OSBPL6: variants seen among roughly 807,000 people sequenced by gnomAD.
OSBPL6 encodes the protein oxysterol binding protein like 6.
In OSBPL6, 49 loss-of-function variants were observed where a neutral mutation model predicts 125.8. That is an observed-to-expected ratio of 0.39 (90% CI 0.31 to 0.49). The LOEUF (loss-of-function observed/expected upper bound fraction) is 0.49, where lower values mean the gene tolerates loss of function less well. Among genes scored for constraint, OSBPL6 ranks in the 20% least tolerant of loss-of-function variants. The pLI is 0.88. For missense variants in OSBPL6, 986 were observed against 1,135.4 expected, an observed-to-expected ratio of 0.87 and a Z score of 1.89; for synonymous variants, 394 against 391.8, an observed-to-expected ratio of 1.01 and a Z score of -0.07.
intron 12 of OSBPL6, 36 bp downstream of exon 12, chr2:178,349,425 CT>C (rs773897300): frequency 6.3e-7 from 1 of 1,583,546 alleles, no homozygotes. Flanking sequence ...TAAAGAAGCT[CT>C]CTTCTTTGAT....
At chr2:178,328,001 C>T (rs1688848366) in intron 4 of OSBPL6, among the ~76,000 whole-genome samples, 1 of 152,132 alleles carries the variant, frequency 6.6e-6, no homozygotes, top group Admixed American at 6.5e-5. Flanking sequence ...TCCATCCTAC[C>T]CCAAACAGAC....
intron 3 of OSBPL6, among the ~76,000 whole-genome samples, chr2:178,321,493 C>G (rs1298320849): frequency 6.6e-6 from 1 of 152,076 alleles, no homozygotes; most frequent in East Asian, 1.9e-4. Context: ...AATTACATAA[C>G]TTTAGGGTTA....
chr2:178,278,296 A>G (rs2092511247), intron 1 of OSBPL6, among the ~76,000 whole-genome samples: 2 of 152,194 alleles, frequency 1.3e-5, no homozygotes, highest in South Asian at 4.1e-4. Flanking sequence ...AAGATTACTC[A>G]CATACCTTTT....
At chr2:178,239,218 G>A (rs2091185457) in intron 1 of OSBPL6, among the ~76,000 whole-genome samples, 1 of 152,136 alleles carries the variant, frequency 6.6e-6, no homozygotes, top group South Asian at 2.1e-4. Flanking sequence ...TGATACACAT[G>A]CAATAGAATT....
At chr2:178,252,395 T>C (rs925031694) in intron 1 of OSBPL6, among the ~76,000 whole-genome samples, 7 of 152,160 alleles carry the variant, frequency 4.6e-5, no homozygotes, top group Admixed American at 3.3e-4. Context: ...TAAGTGGGCA[T>C]GCTGTATTCC....
chr2:178,364,815 G>T (rs1300270379), intron 13 of OSBPL6, among the ~76,000 whole-genome samples: 1 of 152,166 alleles, frequency 6.6e-6, no homozygotes, highest in Non-Finnish European at 1.5e-5. Flanking sequence ...AGTTATAGAT[G>T]TTGACGAGTT....
At position 178,396,823 on chromosome 2, in the gene OSBPL6, A is replaced by G. The variant is rs1473852478; in HGVS notation, c.*1264A>G. 1 of 152,238 alleles carries G rather than the reference A, an allele frequency of 6.6e-6. No homozygotes were observed. Among genetic ancestry groups the G allele is most frequent in the Non-Finnish European group, 1.5e-5 (1 of 68,036 alleles). The allele number at this position is 152,238 out of a possible 1,614,324, so 9.4% of individuals were successfully genotyped here. ...GCAGGAAAGCAGAAGTGTGTTTTGCATACTTCAGGATTTGTTTTTCCTCCA... is the reference window on the plus strand; with the variant it reads ...GCAGGAAAGCAGAAGTGTGTTTTGCGTACTTCAGGATTTGTTTTTCCTCCA... On this transcript the variant is annotated 3_prime_UTR_variant, in exon 25 of 25. Transcript: ENST00000190611.
At chr2:178,212,323 T>G (rs1473860579) in intron 1 of OSBPL6, among the ~76,000 whole-genome samples, 8 of 152,240 alleles carry the variant, frequency 5.3e-5, no homozygotes, top group African/African-American at 1.4e-4. Flanking sequence ...CCTGCGCTAA[T>G]TTGTGTGATT....
chr2:178,281,904 A>T (rs1258688884), intron 1 of OSBPL6, among the ~76,000 whole-genome samples: 2 of 152,152 alleles, frequency 1.3e-5, no homozygotes, highest in Non-Finnish European at 1.5e-5. Context: ...CGTGGCACAC[A>T]TTTACCTGTG....
intron 12 of OSBPL6, among the ~76,000 whole-genome samples, chr2:178,352,163 T>G (rs1691320208): frequency 6.6e-6 from 1 of 152,332 alleles, no homozygotes; most frequent in East Asian, 1.9e-4. Flanking sequence ...CAGCTCCCAG[T>G]GTGATCAATG....
rs147142786 is a variant in OSBPL6 at position 178,243,645 on chromosome 2, G to C, written c.-350-41282G>C. Among the ~76,000 whole-genome samples, 888 of 152,120 alleles carry C rather than the reference G, an allele frequency of 5.8e-3. 10 individuals carry two copies. The highest frequency in any genetic ancestry group is 0.02 in the African/African-American group (849 of 41,528). ...TTTCTCATTCTCCTCCATTCATTCTGGGTTTTTTTGTTTCTTTGTTTGTTT... is the reference window on the plus strand; with the variant it reads ...TTTCTCATTCTCCTCCATTCATTCTCGGTTTTTTTGTTTCTTTGTTTGTTT... On this transcript the variant is annotated intron_variant, in intron 1 of 24. Transcript: ENST00000190611.
intron 12 of OSBPL6, among the ~76,000 whole-genome samples, chr2:178,361,455 T>G (rs1024792493): frequency 6.6e-6 from 1 of 152,230 alleles, no homozygotes; most frequent in Admixed American, 6.5e-5. Flanking sequence ...TTGGCCTGTC[T>G]GGTATAAAAA....
At chr2:178,375,669 T>A (rs1693808885) in intron 15 of OSBPL6, among the ~76,000 whole-genome samples, 1 of 152,144 alleles carries the variant, frequency 6.6e-6, no homozygotes, top group Non-Finnish European at 1.5e-5. Flanking sequence ...GTGATCCGCC[T>A]GCCTCAGCCT....
intron 2 of OSBPL6, among the ~76,000 whole-genome samples, chr2:178,290,102 A>G (rs1403844309): frequency 6.6e-6 from 1 of 152,138 alleles, no homozygotes; most frequent in African/African-American, 2.4e-5. Context: ...GCCTGAATAC[A>G]TTATGTCATT....
chr2:178,238,752 G>C (rs2091164282), intron 1 of OSBPL6, among the ~76,000 whole-genome samples: 1 of 152,174 alleles, frequency 6.6e-6, no homozygotes, highest in African/African-American at 2.4e-5. Flanking sequence ...ATGGTAATCA[G>C]GCTTGGTACT....
At chr2:178,385,344 C>A in intron 18 of OSBPL6, 114 bp from the exon 19 acceptor site, 1 of 713,620 alleles carries the variant, frequency 1.4e-6, no homozygotes, top group Non-Finnish European at 2.3e-6. Flanking sequence ...GTTTTTAAAG[C>A]ATGAAGTCTT....
chr2:178,224,206 G>A (rs949589272), intron 1 of OSBPL6, among the ~76,000 whole-genome samples: 1 of 152,218 alleles, frequency 6.6e-6, no homozygotes, highest in Non-Finnish European at 1.5e-5. Context: ...GGATGTAAGA[G>A]AGGCTGGAAG....
At chr2:178,352,986 A>T (rs970688302) in intron 12 of OSBPL6, among the ~76,000 whole-genome samples, 2 of 152,244 alleles carry the variant, frequency 1.3e-5, no homozygotes, top group Non-Finnish European at 2.9e-5. Flanking sequence ...ACTCCAACAG[A>T]CCTGCAGCTG....
chr2:178,262,610 CA>C (rs1306991909), intron 1 of OSBPL6, among the ~76,000 whole-genome samples: 1 of 152,100 alleles, frequency 6.6e-6, no homozygotes, highest in Non-Finnish European at 1.5e-5. Flanking sequence ...CACTGAAATG[CA>C]GTGTGACAAG....
Sources: allele counts gnomAD v4.1 joint callset (sites outside exome capture counted in the v4.1 genomes callset), GRCh38; gene constraint gnomAD v4.1.1; transcripts MANE v1.5; gene names NCBI Gene and HGNC (gene_info 2026-07-23, HGNC 2026-07-21).